The following ZMYM5 variants were observed in gnomAD, a reference collection of about 807,000 sequenced individuals.
The protein encoded by ZMYM5 is zinc finger MYM-type protein 5.
In ZMYM5, 41 loss-of-function variants were observed where a neutral mutation model predicts 61.8. That is an observed-to-expected ratio of 0.66 (90% CI 0.52 to 0.86). The LOEUF (loss-of-function observed/expected upper bound fraction) is 0.86, where lower values mean the gene tolerates loss of function less well. Ranked by LOEUF, ZMYM5 falls within the 40% of genes least tolerant of loss-of-function variation. ZMYM5 has a pLI of 0.00. For missense variants in ZMYM5, 706 were observed against 786.7 expected (o/e 0.90, Z 1.23); for synonymous variants, 257 against 276.4 (o/e 0.93, Z 0.70).
At chr13:19,840,459 G>C (rs183366107) in intron 4 of ZMYM5, among the ~76,000 whole-genome samples, 284 of 152,286 alleles carry the variant, frequency 1.9e-3, no homozygotes, top group Non-Finnish European at 3.0e-3. Context: ...CTGCAGCCTT[G>C]AACTCCTGGG....
intron 4 of ZMYM5, 43 bp from the exon 5 acceptor site, chr13:19,839,028 T>C (rs777600096): frequency 3.8e-6 from 6 of 1,580,698 alleles, no homozygotes; most frequent in South Asian, 1.2e-5. Flanking sequence ...CAAATCAAAA[T>C]GTACATCAGA....
chr13:19,825,431 G>A (rs893399347), intron 7 of ZMYM5, among the ~76,000 whole-genome samples, 196 bp from the exon 8 acceptor site: 6 of 151,924 alleles, frequency 3.9e-5, no homozygotes, highest in African/African-American at 1.2e-4. Context: ...GATCATTTGA[G>A]GTCAGGAGTT....
At chr13:19,843,162 G>T (rs1202021295) in intron 4 of ZMYM5, among the ~76,000 whole-genome samples, 2 of 148,830 alleles carry the variant, frequency 1.3e-5, no homozygotes, top group South Asian at 4.3e-4. Flanking sequence ...GTCTCACTCC[G>T]TCACCGAGGC....
At chr13:19,849,119 A>G (rs1385332342) in intron 4 of ZMYM5, among the ~76,000 whole-genome samples, 1 of 152,130 alleles carries the variant, frequency 6.6e-6, no homozygotes, top group Non-Finnish European at 1.5e-5. Flanking sequence ...TGTGGTTACT[A>G]AAACTTATAT....
chr13:19,837,838 A>G lies in ZMYM5; in HGVS notation c.873-17T>C, dbSNP rs747183536. 3 of 1,572,036 alleles carry G rather than the reference A, an allele frequency of 1.9e-6. No homozygotes were observed. In the Admixed American group the frequency reaches 6.7e-5, roughly 35 times the overall value. On this transcript the variant is annotated splice_polypyrimidine_tract_variant and intron_variant, in intron 5 of 7. Transcript: ENST00000337963. The stretch of plus-strand genomic sequence containing the variant: ...GATGCATCTCTGAAACAGAAGGGAT[A>G]GACACATAATTTAAGAACACTGAAT...
At chr13:19,851,663 C>G (rs767400906) in intron 3 of ZMYM5, 26 bp downstream of exon 3, 5 of 1,552,320 alleles carry the variant, frequency 3.2e-6, no homozygotes, top group Non-Finnish European at 4.3e-6. Context: ...TGTAGTGATA[C>G]CACTATTACC....
At chr13:19,842,913 T>C (rs1952927346) in intron 4 of ZMYM5, among the ~76,000 whole-genome samples, 1 of 123,782 alleles carries the variant, frequency 8.1e-6, no homozygotes, top group South Asian at 2.8e-4. Flanking sequence ...TGAGCCAACA[T>C]CATGCCACTG....
chr13:19,860,448 A>ATGTG (rs1205444485), intron 2 of ZMYM5, among the ~76,000 whole-genome samples: 9 of 141,444 alleles, frequency 6.4e-5, no homozygotes, highest in African/African-American at 2.4e-4. Context: ...GTGTGTGTGT[A>ATGTG]TGTGTGTGTG....
At chr13:19,845,520 G>A (rs1953045602) in intron 4 of ZMYM5, among the ~76,000 whole-genome samples, 1 of 152,164 alleles carries the variant, frequency 6.6e-6, no homozygotes, top group Non-Finnish European at 1.5e-5. Context: ...GACCCCACAA[G>A]TTTAAAGGCC....
chr13:19,839,540 T>A (rs1404757833), intron 4 of ZMYM5, among the ~76,000 whole-genome samples: 1 of 151,790 alleles, frequency 6.6e-6, no homozygotes, highest in Non-Finnish European at 1.5e-5. Flanking sequence ...CCAGCTAAAT[T>A]TTTTTTTCTA....
intron 7 of ZMYM5, among the ~76,000 whole-genome samples, chr13:19,830,664 G>T (rs1891159783): frequency 6.6e-6 from 1 of 151,598 alleles, no homozygotes. Context: ...CGCCCAAGCA[G>T]CTGGGACTAC....
At chr13:19,849,288 T>C (rs1953196146) in intron 4 of ZMYM5, among the ~76,000 whole-genome samples, 1 of 151,132 alleles carries the variant, frequency 6.6e-6, no homozygotes, top group African/African-American at 2.4e-5. Context: ...GCCTGGCTAA[T>C]TTTTTTTTAC....
chr13:19,837,498 C>G, intron 6 of ZMYM5, 158 bp downstream of exon 6: 1 of 1,590,334 alleles, frequency 6.3e-7, no homozygotes, highest in Admixed American at 1.9e-5. Flanking sequence ...ATAAAATATC[C>G]CATAAGATAG....
rs1448630465 is a variant in ZMYM5 at position 19,824,772 on chromosome 13, T to C, written c.1715A>G (p.Glu572Gly). ...AAGTAACCAGGATCTAGTGGTTTTT[T>C]CACCATTTGGAAGAATCCGTGTATA... ...TYYTRILPNG[E>G]KTTRSWLLYS... Residue 572 changes from glutamate to glycine, a missense_variant, in exon 8 of 8, where the codon GAA becomes GGA. Physicochemically the swap from Glu to Gly is moderately conservative, Grantham distance 98 (BLOSUM62 -2). This residue lies in a region of ZMYM5 where 226 missense variants were observed against 325.0 expected (regional missense o/e 0.70). Transcript: ENST00000337963. 1 of 1,359,364 alleles carries C rather than the reference T, an allele frequency of 7.4e-7. No individual in the cohort carries two copies. The highest frequency in any genetic ancestry group is 2.0e-5 in the Admixed American group (1 of 51,168). 84.2% of individuals were successfully genotyped at this position (1,359,364 alleles called of 1,614,324 possible).
intron 2 of ZMYM5, among the ~76,000 whole-genome samples, chr13:19,859,875 C>T (rs56329276): frequency 6.6e-6 from 1 of 150,850 alleles, no homozygotes; most frequent in Non-Finnish European, 1.5e-5. Flanking sequence ...GAGGCCAAGG[C>T]GGGCGGATCA....
In ZMYM5 at chr13:19,824,811, A is replaced by G; in HGVS notation, c.1676T>C (p.Phe559Ser). Reference protein sequence around the residue: ...NFPKDNTGRKFSETYYTRILP... With the variant: ...NFPKDNTGRKSSETYYTRILP... ...AATCCGTGTATAATAAGTTTCTGAA[A>G]ACTTCCTCCCTGTATTATCTTTTGG... The change falls in exon 8 of 8, where the codon TTT becomes TCT. Residue 559 changes from phenylalanine to serine, a missense_variant. Phe to Ser is a radical substitution (Grantham distance 155). Transcript: ENST00000337963. 1 of 1,352,676 alleles carries G rather than the reference A, an allele frequency of 7.4e-7. No individual in the cohort carries two copies. The highest frequency in any genetic ancestry group is 9.9e-7 in the Non-Finnish European group (1 of 1,013,388). The allele number at this position is 1,352,676 out of a possible 1,614,324, so 83.8% of individuals were successfully genotyped here.
chr13:19,826,508 G>A (rs1263050476), intron 7 of ZMYM5, among the ~76,000 whole-genome samples: 1 of 152,166 alleles, frequency 6.6e-6, no homozygotes, highest in Non-Finnish European at 1.5e-5. Flanking sequence ...TGTAATCTCA[G>A]CACTTTGGGA....
chr13:19,860,736 C>G (rs1342880753), intron 2 of ZMYM5, among the ~76,000 whole-genome samples: 1 of 151,538 alleles, frequency 6.6e-6, no homozygotes, highest in Non-Finnish European at 1.5e-5. Context: ...CCATGCCCAG[C>G]CAACACTTCT....
intron 4 of ZMYM5, 28 bp from the exon 5 acceptor site, chr13:19,839,013 T>A (rs1339417130): frequency 6.3e-7 from 1 of 1,592,684 alleles, no homozygotes; most frequent in African/African-American, 1.4e-5. Flanking sequence ...AAAAAAATCA[T>A]GGAACAAATC....
Sources: gnomAD v4.1 joint callset for allele counts (sites outside exome capture counted in the v4.1 genomes callset) on GRCh38, gnomAD v4.1.1 for gene constraint, gnomAD v4.1.1 regional missense constraint, MANE v1.5 for transcripts, NCBI Gene and HGNC (gene_info 2026-07-23, HGNC 2026-07-21) for gene names.